The following IL1RAPL2 variants were observed in gnomAD, a reference collection of about 807,000 sequenced individuals.
IL1RAPL2 encodes interleukin 1 receptor accessory protein like 2.
Under a neutral mutation model 44.1 loss-of-function variants are expected in IL1RAPL2, and 3 were observed. That is an observed-to-expected ratio of 0.07 (90% CI 0.03 to 0.18). The LOEUF (loss-of-function observed/expected upper bound fraction) is 0.18. Ranked by LOEUF, IL1RAPL2 falls within the 10% of genes least tolerant of loss-of-function variation. The probability of loss-of-function intolerance (pLI) is 1.00; values close to 1 mark genes in which losing one functional copy is unlikely to be tolerated. For synonymous variants in IL1RAPL2, 181 were observed against 178.8 expected (o/e 1.01, Z -0.10); for missense variants, 391 against 496.4 (o/e 0.79, Z 2.02).
At chrX:104,625,751 C>T (rs1407330277) in intron 1 of IL1RAPL2, among the ~76,000 whole-genome samples, 2 of 111,369 alleles carry the variant, frequency 1.8e-5, no homozygotes, top group Admixed American at 1.9e-4. Flanking sequence ...CAGTTCCTTA[C>T]CTGAAACCAG....
At chrX:105,326,961 C>G (rs1370264221) in intron 5 of IL1RAPL2, among the ~76,000 whole-genome samples, 1 of 111,606 alleles carries the variant, frequency 9.0e-6, no homozygotes, top group Non-Finnish European at 1.9e-5. Context: ...GGAAAAGGAT[C>G]TAGAAAAGAC....
intron 6 of IL1RAPL2, among the ~76,000 whole-genome samples, chrX:105,696,294 A>G (rs2038075456): frequency 8.9e-6 from 1 of 111,792 alleles, no homozygotes; most frequent in African/African-American, 3.2e-5. Context: ...AACAGAAAGG[A>G]TAGGTCAGCC....
intron 2 of IL1RAPL2, among the ~76,000 whole-genome samples, chrX:105,143,204 G>T (rs1377557055): frequency 9.0e-6 from 1 of 111,196 alleles, no homozygotes; most frequent in Non-Finnish European, 1.9e-5. Flanking sequence ...ATCTGACAAA[G>T]GGCTAATATC....
At chrX:104,682,155 T>C (rs771453295) in intron 2 of IL1RAPL2, among the ~76,000 whole-genome samples, 1 of 112,243 alleles carries the variant, frequency 8.9e-6, no homozygotes, top group South Asian at 3.7e-4. Flanking sequence ...ATAACCAACA[T>C]ACATTTGCAC....
chrX:105,436,374 C>A lies in IL1RAPL2; in HGVS notation c.698-47939C>A, dbSNP rs5962284. Among the ~76,000 whole-genome samples, 366 of 110,972 alleles carry A rather than the reference C, an allele frequency of 3.3e-3. 3 individuals are homozygous for A. Among genetic ancestry groups the A allele is most frequent in the African/African-American group, 0.012 (355 of 30,540 alleles). ...GTTAAAACTCGTAGAAATATATATCCAAAAATTGTAATAAAATAATTATTA... is the reference window on the plus strand; with the variant it reads ...GTTAAAACTCGTAGAAATATATATCAAAAAATTGTAATAAAATAATTATTA... On this transcript the variant is annotated intron_variant, in intron 5 of 10. Coordinates refer to ENST00000372582, the MANE Select transcript of IL1RAPL2 (RefSeq NM_017416.2).
chrX:105,661,079 A>C (rs779315263), intron 6 of IL1RAPL2, among the ~76,000 whole-genome samples: 149 of 111,802 alleles, frequency 1.3e-3, no homozygotes, highest in Non-Finnish European at 2.4e-3. Context: ...ACTAAAAATA[A>C]AGGGATGGAG....
In IL1RAPL2 at chrX:105,426,016, G is replaced by GTT. The variant is rs749722375; in HGVS notation, c.698-58283_698-58282dup. On this transcript the variant is annotated intron_variant, in intron 5 of 10. Transcript: ENST00000372582. Reference sequence around the variant, plus strand: ...TGTAATTTTCTTGTTTATTTTTTCTGTTTTTTTTTTTTTTTATGTTTTGCC... The same window carrying GTT: ...TGTAATTTTCTTGTTTATTTTTTCTGTTTTTTTTTTTTTTTTTATGTTTTGCC... Among the ~76,000 whole-genome samples, 109 of 89,544 alleles carry GTT rather than the reference G, an allele frequency of 1.2e-3. 1 individual carries two copies. The East Asian group carries it at 0.027, about 22-fold the overall frequency. The allele number at this position is 89,544 out of a possible 115,157, so 77.8% of individuals were successfully genotyped here.
chrX:105,710,323 A>T, intron 6 of IL1RAPL2, among the ~76,000 whole-genome samples: 1 of 99,127 alleles, frequency 1.0e-5, no homozygotes, highest in Non-Finnish European at 2.0e-5. Flanking sequence ...CCACTGTCTT[A>T]TCTCACGGTC....
In IL1RAPL2 at chrX:105,178,053, T is replaced by G. The variant is rs182083493; in HGVS notation, c.83-17422T>G. On this transcript the variant is annotated intron_variant, in intron 2 of 10. Transcript: ENST00000372582. ...TTGTTTTTAGCTATAGTCACCTTATTCTGCTATGAAAAATTAGATCTTGTT... is the reference window on the plus strand; with the variant it reads ...TTGTTTTTAGCTATAGTCACCTTATGCTGCTATGAAAAATTAGATCTTGTT... 2.4e-4 allele frequency among the ~76,000 whole-genome samples: 27 copies of G among 111,994 alleles called. No homozygotes were observed. The Admixed American group carries it at 2.5e-3, about 10-fold the overall frequency.
At chrX:104,586,194 C>G (rs1165872082) in intron 1 of IL1RAPL2, among the ~76,000 whole-genome samples, 1 of 111,555 alleles carries the variant, frequency 9.0e-6, no homozygotes, top group Non-Finnish European at 1.9e-5. Flanking sequence ...CTCTAATGAT[C>G]AGTGATGTTG....
chrX:105,109,529 A>AT, intron 2 of IL1RAPL2, among the ~76,000 whole-genome samples: 1 of 112,343 alleles, frequency 8.9e-6, no homozygotes. Flanking sequence ...ATTCCATTTA[A>AT]TAAAAAAAAG....
At chrX:104,763,484 G>A (rs949711401) in intron 2 of IL1RAPL2, among the ~76,000 whole-genome samples, 4 of 111,555 alleles carry the variant, frequency 3.6e-5, no homozygotes, top group Admixed American at 9.5e-5. Context: ...TTCTAAAGTC[G>A]CTTCCACATT....
At chrX:104,787,018 T>C (rs1181436882) in intron 2 of IL1RAPL2, among the ~76,000 whole-genome samples, 11 of 103,841 alleles carry the variant, frequency 1.1e-4, no homozygotes, top group Non-Finnish European at 1.8e-4. Context: ...TCTCCTTCCT[T>C]TGTACTTTTT....
intron 6 of IL1RAPL2, among the ~76,000 whole-genome samples, chrX:105,586,239 C>G (rs775714750): frequency 2.7e-5 from 3 of 111,122 alleles, no homozygotes; most frequent in Non-Finnish European, 5.7e-5. Context: ...GGCCAACAAA[C>G]AGAAAAAAAA....
chrX:104,870,481 T>C (rs1038278633), intron 2 of IL1RAPL2, among the ~76,000 whole-genome samples: 7 of 112,633 alleles, frequency 6.2e-5, no homozygotes, highest in African/African-American at 2.3e-4. Context: ...ACTAGGAATT[T>C]ATGGATGAGG....
At chrX:104,898,566 C>T (rs1250204113) in intron 2 of IL1RAPL2, among the ~76,000 whole-genome samples, 2 of 112,735 alleles carry the variant, frequency 1.8e-5, no homozygotes, top group East Asian at 5.5e-4. Context: ...TAACATCAGC[C>T]TTCACTGATA....
chrX:104,903,848 G>A (rs771085975), intron 2 of IL1RAPL2, among the ~76,000 whole-genome samples: 5 of 111,616 alleles, frequency 4.5e-5, no homozygotes, highest in Non-Finnish European at 9.4e-5. Flanking sequence ...CAAAGTGCTA[G>A]GATTACAGAT....
intron 2 of IL1RAPL2, among the ~76,000 whole-genome samples, chrX:105,074,370 C>G (rs1019747582): frequency 9.0e-6 from 1 of 111,173 alleles, no homozygotes; most frequent in African/African-American, 3.3e-5. Context: ...GGCATTATTT[C>G]TGAGGGCTCT....
intron 2 of IL1RAPL2, among the ~76,000 whole-genome samples, chrX:105,135,726 T>G (rs1403892520): frequency 1.8e-5 from 2 of 111,792 alleles, no homozygotes; most frequent in Admixed American, 1.9e-4. Context: ...CTGCTCTAGC[T>G]TAGGGGTTTC....
Sources: allele counts gnomAD v4.1 joint callset (sites outside exome capture counted in the v4.1 genomes callset), GRCh38; gene constraint gnomAD v4.1.1; transcripts MANE v1.5; gene names NCBI Gene and HGNC (gene_info 2026-07-23, HGNC 2026-07-21).